The following MRPL1 variants were observed in gnomAD, a reference collection of about 807,000 sequenced individuals.
MRPL1 encodes the protein large ribosomal subunit protein uL1m.
MRPL1 carries 28 observed loss-of-function variants against 38.0 expected under a neutral mutation model. The ratio of observed to expected loss-of-function variants is 0.74; its 90% CI spans 0.55 to 1.01. MRPL1 has a LOEUF of 1.01. Among genes scored for constraint, MRPL1 ranks in the 50% least tolerant of loss-of-function variants. The probability of loss-of-function intolerance (pLI) is 0.00; values close to 1 mark genes in which losing one functional copy is unlikely to be tolerated. For synonymous variants in MRPL1, 123 were observed against 126.7 expected (o/e 0.97, Z 0.20); for missense variants, 358 against 389.8 (o/e 0.92, Z 0.69).
chr4:77,871,433 T>G (rs1198494403), intron 1 of MRPL1, among the ~76,000 whole-genome samples: 2 of 152,080 alleles, frequency 1.3e-5, no homozygotes, highest in South Asian at 2.1e-4. Context: ...GCCTCCCAAG[T>G]AGCTGGGACT....
chr4:77,940,171 T>C (rs1256016485), intron 7 of MRPL1, among the ~76,000 whole-genome samples: 2 of 152,232 alleles, frequency 1.3e-5, no homozygotes, highest in Admixed American at 6.5e-5. Context: ...TTCCCATCCA[T>C]GAGCATGGGA....
In MRPL1 at chr4:77,887,213, T is replaced by C. The variant is rs1364511466; in HGVS notation, c.487-7T>C. 6.2e-7 allele frequency: 1 copy of C among 1,608,826 alleles called. No individual in the cohort carries two copies. The highest frequency in any genetic ancestry group is 1.1e-5 in the South Asian group (1 of 90,986). On this transcript the variant is annotated splice_polypyrimidine_tract_variant and splice_region_variant and intron_variant, in intron 4 of 8. Coordinates refer to ENST00000315567, the MANE Select transcript of MRPL1 (RefSeq NM_020236.4). Reference sequence around the variant, plus strand: ...TGATTGATTTTCAAATTATTGTGTTTTGGTAGAATGCATCAGAGGTCAAAA... The same window carrying C: ...TGATTGATTTTCAAATTATTGTGTTCTGGTAGAATGCATCAGAGGTCAAAA...
chr4:77,870,749 T>A (rs904798046), intron 1 of MRPL1, among the ~76,000 whole-genome samples: 1 of 152,210 alleles, frequency 6.6e-6, no homozygotes, highest in Non-Finnish European at 1.5e-5. Context: ...ACTTTACTTT[T>A]GTAATCTTTA....
At chr4:77,899,156 G>C (rs1475090492) in intron 6 of MRPL1, among the ~76,000 whole-genome samples, 1 of 148,386 alleles carries the variant, frequency 6.7e-6, no homozygotes, top group Non-Finnish European at 1.5e-5. Flanking sequence ...GCCACGCCTG[G>C]CTCATTTTTT....
chr4:77,927,443 A>G (rs1736739130), intron 7 of MRPL1, among the ~76,000 whole-genome samples: 1 of 152,124 alleles, frequency 6.6e-6, no homozygotes, highest in Admixed American at 6.5e-5. Context: ...TCCTCCTGTG[A>G]GTAGAGCCCT....
chr4:77,890,204 T>C (rs1359502013), intron 5 of MRPL1, among the ~76,000 whole-genome samples: 2 of 152,316 alleles, frequency 1.3e-5, no homozygotes, highest in Non-Finnish European at 1.5e-5. Context: ...CCAATATCCC[T>C]GATGAACATC....
At chr4:77,920,677 G>C (rs1395049702) in intron 7 of MRPL1, among the ~76,000 whole-genome samples, 1 of 152,136 alleles carries the variant, frequency 6.6e-6, no homozygotes, top group African/African-American at 2.4e-5. Flanking sequence ...ATACTTTTAT[G>C]TCCCGAACAA....
chr4:77,887,443 T>G, intron 5 of MRPL1, 152 bp downstream of exon 5: 5 of 651,596 alleles, frequency 7.7e-6, no homozygotes, highest in Non-Finnish European at 1.3e-5. Flanking sequence ...TCCAACTTTC[T>G]TCAGTTTCAA....
chr4:77,917,040 C>T (rs1736438687), intron 7 of MRPL1, among the ~76,000 whole-genome samples: 1 of 152,122 alleles, frequency 6.6e-6, no homozygotes, highest in South Asian at 2.1e-4. Context: ...CACATGTGTA[C>T]TTTTAACAGC....
At chr4:77,934,102 A>G (rs1223376269) in intron 7 of MRPL1, among the ~76,000 whole-genome samples, 1 of 152,240 alleles carries the variant, frequency 6.6e-6, no homozygotes, top group East Asian at 1.9e-4. Context: ...TAGAATCTCA[A>G]AAGGTTTTGT....
In MRPL1 at chr4:77,862,860, C is replaced by A; in HGVS notation, c.12C>A (p.Ala4=). Residue 4 remains alanine, a synonymous_variant, in exon 1 of 9, where the codon GCC becomes GCA. Coordinates refer to ENST00000315567, the MANE Select transcript of MRPL1 (RefSeq NM_020236.4). ...CCGGAGTGCCCAACATGGCGGCGGC[C>A]GTAAGGTGCATGGGTAGAGGTAAGG... MAA[A]VRCMGRALIH... The A allele has an allele frequency of 6.2e-7, 1 of 1,614,074 alleles. No individual in the cohort carries two copies. The highest frequency in any genetic ancestry group is 8.5e-7 in the Non-Finnish European group (1 of 1,180,012).
intron 6 of MRPL1, among the ~76,000 whole-genome samples, chr4:77,907,892 C>CT (rs537450784): frequency 0.077 from 10,694 of 139,150 alleles, 646 homozygotes; most frequent in African/African-American, 0.18. Flanking sequence ...CTTTTCTTTT[C>CT]TTTTTTTTTT....
intron 6 of MRPL1, among the ~76,000 whole-genome samples, chr4:77,899,343 A>C (rs1368613131): frequency 6.6e-6 from 1 of 151,980 alleles, no homozygotes; most frequent in African/African-American, 2.4e-5. Context: ...ACAAAAAGCA[A>C]ATCACGAGCC....
chr4:77,880,270 A>G (rs147560705), intron 2 of MRPL1, among the ~76,000 whole-genome samples: 4 of 152,312 alleles, frequency 2.6e-5, no homozygotes, highest in Non-Finnish European at 5.9e-5. Flanking sequence ...CCCAGCTTCA[A>G]GAGGCCACCC....
intron 4 of MRPL1, among the ~76,000 whole-genome samples, chr4:77,886,716 A>C (rs541520100): frequency 2.0e-5 from 3 of 151,474 alleles, no homozygotes; most frequent in Non-Finnish European, 4.4e-5. Context: ...CCTGGCTTCA[A>C]GTGATCCTCT....
chr4:77,946,688 A>G (rs1737277439), intron 7 of MRPL1, among the ~76,000 whole-genome samples: 2 of 152,176 alleles, frequency 1.3e-5, no homozygotes, highest in African/African-American at 4.8e-5. Flanking sequence ...CCTCCCCTCC[A>G]TTCAGGGTCC....
At chr4:77,939,475 C>T (rs527563115) in intron 7 of MRPL1, among the ~76,000 whole-genome samples, 21 of 152,278 alleles carry the variant, frequency 1.4e-4, no homozygotes, top group African/African-American at 4.1e-4. Flanking sequence ...AAGATTTTCT[C>T]CCACTCTTTG....
Position 77,952,695 on chromosome 4 carries a change from G to T in MRPL1, c.*88G>T. The stretch of plus-strand genomic sequence containing the variant: ...GCATAATTTTTACATTTGATGTCTT[G>T]TTATTGATCATACTTGAAAGTGAAC... On this transcript the variant is annotated 3_prime_UTR_variant, in exon 9 of 9. Transcript: ENST00000315567. The T allele has an allele frequency of 1.3e-6, 1 of 778,224 alleles. No homozygotes were observed. The allele number at this position is 778,224 out of a possible 1,614,324, so 48.2% of individuals were successfully genotyped here. A position where few individuals can be genotyped will look rare whatever the true frequency, so the allele number is the denominator to read the frequency against.
intron 4 of MRPL1, among the ~76,000 whole-genome samples, chr4:77,886,409 A>G (rs1735677146): frequency 6.6e-6 from 1 of 151,484 alleles, no homozygotes; most frequent in South Asian, 2.1e-4. Context: ...ATCTTGGCTT[A>G]CCGCAACCTC....
Sources: allele counts gnomAD v4.1 joint callset (sites outside exome capture counted in the v4.1 genomes callset), GRCh38; gene constraint gnomAD v4.1.1; transcripts MANE v1.5; gene names NCBI Gene and HGNC (gene_info 2026-07-23, HGNC 2026-07-21).